The following NUBP1 variants were observed in gnomAD, a reference collection of about 807,000 sequenced individuals.
NUBP1 encodes cytosolic Fe-S cluster assembly factor NUBP1.
NUBP1 carries 46 observed loss-of-function variants against 41.8 expected under a neutral mutation model. The observed-to-expected ratio is 1.10, with a 90% CI of 0.87 to 1.41. The LOEUF (loss-of-function observed/expected upper bound fraction) is 1.41. NUBP1 is among the 40% of genes most tolerant of loss of function. The pLI is 0.00. For synonymous variants in NUBP1, 189 were observed against 154.6 expected (o/e 1.22, Z -1.65); for missense variants, 494 against 414.0 (o/e 1.19, Z -1.68).
intron 4 of NUBP1, among the ~76,000 whole-genome samples, chr16:10,754,657 G>A (rs1567257102): frequency 6.6e-6 from 1 of 152,174 alleles, no homozygotes; most frequent in Non-Finnish European, 1.5e-5. Flanking sequence ...GTGGATTAGG[G>A]GTCCTGTAAG....
Position 10,768,917 on chromosome 16 carries a change from C to T in NUBP1, c.905-130C>T. 1 of 755,072 alleles carries T rather than the reference C, an allele frequency of 1.3e-6. No homozygotes were observed. Among genetic ancestry groups the T allele is most frequent in the Non-Finnish European group, 2.3e-6 (1 of 440,124 alleles). The allele number at this position is 755,072 out of a possible 1,614,324, so 46.8% of individuals were successfully genotyped here. A position where few individuals can be genotyped will look rare whatever the true frequency, so the allele number is the denominator to read the frequency against. Reference sequence around the variant, plus strand: ...TTTCAAAGACTCAGGGCATCACAGACACAGGTCTTTTTATGGAACTAGCCA... The same window carrying T: ...TTTCAAAGACTCAGGGCATCACAGATACAGGTCTTTTTATGGAACTAGCCA... On this transcript the variant is annotated intron_variant, in intron 10 of 10. Transcript: ENST00000283027. This position sits in a 1 kb window ranked among gnomAD's most constrained non-coding sequence, Gnocchi z 4.3.
intron 3 of NUBP1, among the ~76,000 whole-genome samples, chr16:10,748,198 G>A (rs1238816738): frequency 6.6e-6 from 1 of 152,140 alleles, no homozygotes; most frequent in Non-Finnish European, 1.5e-5. Context: ...GCGTCCCCCT[G>A]CCTCGGCCTC....
intron 4 of NUBP1, 54 bp downstream of exon 4, chr16:10,752,732 G>T: frequency 7.0e-7 from 1 of 1,418,796 alleles, no homozygotes; most frequent in Admixed American, 1.7e-5. Flanking sequence ...AAACTCTGTA[G>T]CACTGAACTG....
Position 10,761,792 on chromosome 16 carries a change from C to T in NUBP1, c.753C>T (p.Gly251=), listed in dbSNP as rs141467197. ...ESQIFPPTTG[G]AELMCQDLEV... is the part of the protein sequence containing the mutation. ...AGATATTCCCTCCCACAACCGGGGG[C>T]GCGGAGCTCATGTGCCAGGACTTGG... The change falls in exon 9 of 11, where the codon GGC becomes GGT. Residue 251 remains glycine, a synonymous_variant. Transcript: ENST00000283027. 8.7e-4 allele frequency: 1,412 copies of T among 1,614,056 alleles called. 2 individuals are homozygous for T. The highest frequency in any genetic ancestry group is 1.1e-3 in the Non-Finnish European group (1,323 of 1,179,950).
chr16:10,744,649 G>A (rs1172671465), intron 2 of NUBP1, among the ~76,000 whole-genome samples: 2 of 152,208 alleles, frequency 1.3e-5, no homozygotes, highest in Admixed American at 1.3e-4. Context: ...CTAAACCACC[G>A]CAGCTTTAAG....
intron 3 of NUBP1, among the ~76,000 whole-genome samples, chr16:10,751,344 G>A (rs933596849): frequency 3.9e-5 from 6 of 152,060 alleles, no homozygotes; most frequent in Admixed American, 1.3e-4. Flanking sequence ...ATCAAGGTCC[G>A]GAGAGAGCAA....
chr16:10,743,971 G>A lies in NUBP1; in HGVS notation c.30G>A (p.Gly10=), dbSNP rs1292229106. The change falls in exon 2 of 11, where the codon GGG becomes GGA. Residue 10 remains glycine (G), a synonymous_variant. Coordinates refer to ENST00000283027, the MANE Select transcript of NUBP1 (RefSeq NM_002484.4). ...CTTGTCTCTGCGCAGACTGTCCAGGGGCCGACAGCGCCCAGGCGGGCAGAG... is the reference window on the plus strand; with the variant it reads ...CTTGTCTCTGCGCAGACTGTCCAGGAGCCGACAGCGCCCAGGCGGGCAGAG... The part of the protein sequence containing the change: MEEVPHDCP[G]ADSAQAGRGA... 1.9e-6 allele frequency: 3 copies of A among 1,584,630 alleles called. No homozygotes were observed. The highest frequency in any genetic ancestry group is 2.7e-5 in the African/African-American group (2 of 73,114).
chr16:10,744,079 A>AT lies in NUBP1; in HGVS notation c.124+14_124+15insT. On this transcript the variant is annotated intron_variant, in intron 2 of 10. Transcript: ENST00000283027. ...CTCCGGACACGGGTGAGAAAAGGGC[A>AT]AGGCCTCAACAGGAACTTAGAGGCG... The AT allele has an allele frequency of 6.4e-7, 1 of 1,562,294 alleles. No homozygotes were observed. The highest frequency in any genetic ancestry group is 8.6e-7 in the Non-Finnish European group (1 of 1,160,408).
Position 10,757,922 on chromosome 16 carries a change from C to T in NUBP1, c.501C>T (p.Tyr167=), listed in dbSNP as rs1231969798. ...LRDVDWGEVD[Y]LIVDTPPGTS... ...ATGTGGACTGGGGAGAGGTCGACTA[C>T]CTCATTGTGGACACCCCACCTGGGA... The change falls in exon 7 of 11, where the codon TAC becomes TAT. Residue 167 remains tyrosine, a synonymous_variant. Coordinates refer to ENST00000283027, the MANE Select transcript of NUBP1 (RefSeq NM_002484.4). This position sits in a 1 kb window ranked among gnomAD's most constrained non-coding sequence, Gnocchi z 4.1. 1.2e-6 allele frequency: 2 copies of T among 1,614,118 alleles called. No homozygotes were observed. The highest frequency in any genetic ancestry group is 1.7e-6 in the Non-Finnish European group (2 of 1,180,024).
chr16:10,759,403 G>A lies in NUBP1; in HGVS notation c.606+1376G>A, dbSNP rs1258672842. ...ACCAGCTGGGACCCTGGACAGGAGG[G>A]AGGATGGCCTGGCCCGGGTGATGGC... On this transcript the variant is annotated intron_variant, in intron 7 of 10. Transcript: ENST00000283027. This position sits in a 1 kb window ranked among gnomAD's most constrained non-coding sequence, Gnocchi z 4.7. 6.6e-6 allele frequency among the ~76,000 whole-genome samples: 1 copy of A among 152,226 alleles called. No individual in the cohort carries two copies. The highest frequency in any genetic ancestry group is 1.5e-5 in the Non-Finnish European group (1 of 68,036).
intron 9 of NUBP1, chr16:10,763,530 A>T (rs576756695): frequency 6.6e-6 from 1 of 152,380 alleles, no homozygotes; most frequent in Admixed American, 6.5e-5. Context: ...TGCTTTCTCA[A>T]CCTTCCCCAG....
chr16:10,752,765 G>A (rs567540588), intron 4 of NUBP1, 87 bp downstream of exon 4: 309 of 1,080,538 alleles, frequency 2.9e-4, no homozygotes, highest in Non-Finnish European at 4.4e-5. Context: ...AAAGAGGCAT[G>A]CGGAGCCCAT....
At chr16:10,756,269 C>T (rs1430141538) in intron 5 of NUBP1, among the ~76,000 whole-genome samples, 6 of 152,196 alleles carry the variant, frequency 3.9e-5, no homozygotes, top group African/African-American at 1.4e-4. Context: ...ACACTGGCTA[C>T]TCGGGAGGCT....
Position 10,766,845 on chromosome 16 carries a change from A to G in NUBP1, c.821-1104A>G, listed in dbSNP as rs2030956530. 2.5e-6 allele frequency: 1 copy of G among 397,986 alleles called. No homozygotes were observed. The highest frequency in any genetic ancestry group is 1.4e-4 in the South Asian group (1 of 7,382). The allele number at this position is 397,986 out of a possible 1,614,324, so 24.7% of individuals were successfully genotyped here. On this transcript the variant is annotated intron_variant, in intron 9 of 10. Coordinates refer to ENST00000283027, the MANE Select transcript of NUBP1 (RefSeq NM_002484.4). This position sits in a 1 kb window ranked among gnomAD's most constrained non-coding sequence, Gnocchi z 4.8. ...ACGAAAAGGATGAAGTAAAGTTACA[A>G]AGTCATTTACGGCATACGTCCTATG...
chr16:10,748,127 T>G (rs1191340947), intron 3 of NUBP1, among the ~76,000 whole-genome samples: 1 of 152,010 alleles, frequency 6.6e-6, no homozygotes, highest in African/African-American at 2.4e-5. Flanking sequence ...ATTTTTGGGT[T>G]TTTTGTAGAG....
At chr16:10,754,214 G>GTTTAT (rs201160711) in intron 4 of NUBP1, among the ~76,000 whole-genome samples, 50,688 of 145,938 alleles carry the variant, frequency 0.35, 10,006 homozygotes, top group Middle Eastern at 0.56. Flanking sequence ...GTTTTGTGGG[G>GTTTAT]TTTATTTTAT....
chr16:10,745,841 T>C (rs1401411398), intron 2 of NUBP1, among the ~76,000 whole-genome samples: 2 of 152,218 alleles, frequency 1.3e-5, no homozygotes, highest in Non-Finnish European at 2.9e-5. Flanking sequence ...ATCCCATCTT[T>C]GTTTGGCATG....
chr16:10,744,014 T>C lies in NUBP1; in HGVS notation c.73T>C (p.Cys25Arg). The C allele has an allele frequency of 6.3e-7, 1 of 1,580,964 alleles. No homozygotes were observed. The highest frequency in any genetic ancestry group is 8.6e-7 in the Non-Finnish European group (1 of 1,169,276). The change falls in exon 2 of 11, where the codon TGC becomes CGC. Residue 25 changes from cysteine to arginine, a missense_variant. Coordinates refer to ENST00000283027, the MANE Select transcript of NUBP1 (RefSeq NM_002484.4). ...QAGRGASCQG[C>R]PNQRLCASGA... ...GGGCAGAGGGGCTTCATGTCAGGGA[T>C]GCCCCAACCAGCGGCTGTGCGCTTC...
In NUBP1 at chr16:10,761,293, C is replaced by T; in HGVS notation, c.607-71C>T. 9 of 1,375,778 alleles carry T rather than the reference C, an allele frequency of 6.5e-6. No homozygotes were observed. In the South Asian group the frequency reaches 9.7e-5, roughly 15 times the overall value. 85.2% of individuals were successfully genotyped at this position (1,375,778 alleles called of 1,614,324 possible). ...CGCAGATCCACTGCATTGCAGCCAT[C>T]CCCTCGGTTGCACAGACATTCCCTT... On this transcript the variant is annotated intron_variant, in intron 7 of 10. Coordinates refer to ENST00000283027, the MANE Select transcript of NUBP1 (RefSeq NM_002484.4).
Sources: gnomAD v4.1 joint callset for allele counts (sites outside exome capture counted in the v4.1 genomes callset) on GRCh38, gnomAD v4.1.1 for gene constraint, Gnocchi (gnomAD v3.1) non-coding constraint, MANE v1.5 for transcripts, NCBI Gene and HGNC (gene_info 2026-07-23, HGNC 2026-07-21) for gene names.